Variants in RPUSD4 observed in about 807,000 individuals in gnomAD.
RPUSD4 encodes RNA pseudouridine synthase D4.
Under a neutral mutation model 35.4 loss-of-function variants are expected in RPUSD4, and 37 were observed. The ratio of observed to expected loss-of-function variants is 1.04; its 90% CI spans 0.80 to 1.37. The LOEUF (loss-of-function observed/expected upper bound fraction) is 1.37. Ranked by LOEUF, RPUSD4 falls within the 40% of genes most tolerant of loss-of-function variation. The pLI is 0.00. For missense variants in RPUSD4, 507 were observed against 484.9 expected (o/e 1.05, Z -0.43); for synonymous variants, 210 against 192.7 (o/e 1.09, Z -0.74).
intron 3 of RPUSD4, chr11:126,206,458 G>A (rs1464961472): frequency 6.6e-6 from 1 of 152,280 alleles, no homozygotes; most frequent in African/African-American, 2.4e-5. Context: ...TTGGGAGGCT[G>A]AGGCATGAGA....
intron 4 of RPUSD4, 27 bp downstream of exon 4, chr11:126,205,661 C>T: frequency 5.0e-6 from 8 of 1,613,190 alleles, no homozygotes; most frequent in South Asian, 1.1e-5. Context: ...AGCAGCAACC[C>T]ATGCCTCAGG....
chr11:126,209,060 T>C (rs1014068488), intron 3 of RPUSD4: 4 of 154,558 alleles, frequency 2.6e-5, no homozygotes, highest in South Asian at 2.0e-4. Flanking sequence ...GGTGTGATCA[T>C]AGCTCACTGT....
chr11:126,206,821 A>C (rs1449105770), intron 3 of RPUSD4, among the ~76,000 whole-genome samples: 1 of 152,186 alleles, frequency 6.6e-6, no homozygotes, highest in Non-Finnish European at 1.5e-5. Flanking sequence ...ACTCCACTTC[A>C]GTTTCAGCTA....
chr11:126,210,551 C>CAA (rs369874015), intron 2 of RPUSD4, among the ~76,000 whole-genome samples: 1 of 145,464 alleles, frequency 6.9e-6, no homozygotes, highest in Non-Finnish European at 1.5e-5. Flanking sequence ...ACACACACAC[C>CAA]CCCTTTTTTC....
chr11:126,204,596 C>T (rs1211065682), intron 5 of RPUSD4, among the ~76,000 whole-genome samples: 2 of 152,196 alleles, frequency 1.3e-5, no homozygotes, highest in Non-Finnish European at 2.9e-5. Flanking sequence ...ATGAACTTGC[C>T]GTCTACCATT....
At chr11:126,210,508 C>T (rs912939883) in intron 2 of RPUSD4, among the ~76,000 whole-genome samples, 7 of 135,458 alleles carry the variant, frequency 5.2e-5, no homozygotes, top group Non-Finnish European at 1.1e-4. Context: ...GTTACATATA[C>T]TCCAACATAC....
chr11:126,208,316 G>C lies in RPUSD4; in HGVS notation c.557+1205C>G, dbSNP rs570166544. ...GGTATTTCACAGAGCAATTAAAAAG[G>C]AGACAGCTCTAAACGTATGACACAA... On this transcript the variant is annotated intron_variant, in intron 3 of 6. Coordinates refer to ENST00000298317, the MANE Select transcript of RPUSD4 (RefSeq NM_032795.3). 8.1e-4 allele frequency among the ~76,000 whole-genome samples: 123 copies of C among 152,286 alleles called. 1 individual carries two copies. Among genetic ancestry groups the C allele is most frequent in the Admixed American group, 2.5e-3 (38 of 15,302 alleles).
chr11:126,205,979 A>T (rs566478525), intron 3 of RPUSD4, 198 bp from the exon 4 acceptor site: 106 of 457,770 alleles, frequency 2.3e-4, no homozygotes, highest in African/African-American at 2.0e-3. Flanking sequence ...TTTTACTACT[A>T]AAGTCATACA....
chr11:126,205,861 G>GCACTGCACTGCA lies in RPUSD4; in HGVS notation c.558-81_558-80insTGCAGTGCAGTG. The GCACTGCACTGCA allele has an allele frequency of 3.8e-6, 4 of 1,054,794 alleles. No homozygotes were observed. The South Asian group carries it at 6.6e-5, about 18-fold the overall frequency. The allele number at this position is 1,054,794 out of a possible 1,614,324, so 65.3% of individuals were successfully genotyped here. On this transcript the variant is annotated intron_variant, in intron 3 of 6. Transcript: ENST00000298317. ...GATTTGGCCACTTAGAGGATTTCAC[G>GCACTGCACTGCA]CTGGACCTTCTGCACTAACATGTGA...
In RPUSD4 at chr11:126,203,483, G is replaced by A. The variant is rs578046464; in HGVS notation, c.1069C>T (p.Arg357Cys). Reference protein sequence around the residue: ...RFFVHSLHRLRLEMPNEDQNE... With the variant: ...RFFVHSLHRLCLEMPNEDQNE... ...TGATCCTCATTTGGCATCTCTAAAC[G>A]CAGGCGGTGCAGGGAATGCACAAAG... Residue 357 changes from arginine to cysteine, a missense_variant, in exon 7 of 7, where the codon CGT becomes TGT. By Grantham distance (180) the Arg-to-Cys change is radical (BLOSUM62 -3). Transcript: ENST00000298317. 5 of 1,614,118 alleles carry A rather than the reference G, an allele frequency of 3.1e-6. No individual in the cohort carries two copies. Among genetic ancestry groups the A allele is most frequent in the East Asian group, 2.2e-5 (1 of 44,874 alleles).
At position 126,209,418 on chromosome 11, in the gene RPUSD4, T is replaced by G. The variant is rs1490499753; in HGVS notation, c.557+103A>C. 9.6e-6 allele frequency: 9 copies of G among 940,412 alleles called. No individual in the cohort carries two copies. The East Asian group carries it at 2.2e-4, about 23-fold the overall frequency. 58.3% of individuals were successfully genotyped at this position (940,412 alleles called of 1,614,324 possible). A position where few individuals can be genotyped will look rare whatever the true frequency, so the allele number is the denominator to read the frequency against. On this transcript the variant is annotated intron_variant, in intron 3 of 6. Coordinates refer to ENST00000298317, the MANE Select transcript of RPUSD4 (RefSeq NM_032795.3). ...TTTTTTACAATCTCGCAGGTCATAG[T>G]GCAGTGCCTTCTATTAATGGGAGTT...
In RPUSD4 at chr11:126,202,374, T is replaced by C. The variant is rs1156693337; in HGVS notation, c.*1044A>G. ...ATGGTGTTCAGTATAGCCCTCTCCT[T>C]CCTGAGACCTAAGAACAGAAGATAC... On this transcript the variant is annotated 3_prime_UTR_variant, in exon 7 of 7. Coordinates refer to ENST00000298317, the MANE Select transcript of RPUSD4 (RefSeq NM_032795.3). 6.6e-6 allele frequency: 1 copy of C among 152,226 alleles called. No individual in the cohort carries two copies. Among genetic ancestry groups the C allele is most frequent in the African/African-American group, 2.4e-5 (1 of 41,452 alleles). The allele number at this position is 152,226 out of a possible 1,614,324, so 9.4% of individuals were successfully genotyped here.
intron 5 of RPUSD4, among the ~76,000 whole-genome samples, chr11:126,204,781 C>A (rs1428393889): frequency 6.6e-6 from 1 of 152,224 alleles, no homozygotes; most frequent in African/African-American, 2.4e-5. Flanking sequence ...CCATCCATCT[C>A]TAGAACTTTC....
rs1386053090 is a variant in RPUSD4, at chr11:126,209,614, TC to T, written c.463del (p.Glu155LysfsTer5). On this transcript the variant is annotated frameshift_variant, in exon 3 of 7. Coordinates refer to ENST00000298317, the MANE Select transcript of RPUSD4 (RefSeq NM_032795.3). LOFTEE classifies it high-confidence loss of function. ...PLHLCHRLDK[E>X]TTGVMVLAWD... The stretch of plus-strand genomic sequence containing the variant: ...AGCCAACACCATTACACCTGTGGTT[TC>T]CTTGTCCAGCCGGTGGCACAGATGC... 6.2e-7 allele frequency: 1 copy of T among 1,614,224 alleles called. No homozygotes were observed. The highest frequency in any genetic ancestry group is 8.5e-7 in the Non-Finnish European group (1 of 1,180,040).
Position 126,203,140 on chromosome 11 carries a change from T to G in RPUSD4, c.*278A>C. The G allele has an allele frequency of 2.6e-6, 1 of 390,542 alleles. No individual in the cohort carries two copies. Among genetic ancestry groups the G allele is most frequent in the Non-Finnish European group, 4.7e-6 (1 of 212,462 alleles). 24.2% of individuals were successfully genotyped at this position (390,542 alleles called of 1,614,324 possible). A position where few individuals can be genotyped will look rare whatever the true frequency, so the allele number is the denominator to read the frequency against. ...CTGCCTGGCCCTGGGCTCTGTTCCA[T>G]ATTGGCAATGAGAGCCCACGGCAGG... On this transcript the variant is annotated 3_prime_UTR_variant, in exon 7 of 7. Transcript: ENST00000298317.
chr11:126,207,913 A>G (rs543651455), intron 3 of RPUSD4, among the ~76,000 whole-genome samples: 67 of 152,356 alleles, frequency 4.4e-4, no homozygotes, highest in African/African-American at 1.6e-3. Context: ...AAAATAGGCA[A>G]AAGAAATAAT....
At position 126,211,519 on chromosome 11, in the gene RPUSD4, G is replaced by A; in HGVS notation, c.120C>T (p.Ala40=). 1 of 1,614,232 alleles carries A rather than the reference G, an allele frequency of 6.2e-7. No homozygotes were observed. The highest frequency in any genetic ancestry group is 8.5e-7 in the Non-Finnish European group (1 of 1,180,046). ...PFCAAAAAST[A]INAQRLAEKL... ...TCTCCGCTAATCTCTGGGCATTTAT[G>A]GCCGTAGAGGCAGCGGCAGCGGCAC... Residue 40 remains alanine (A), a synonymous_variant, in exon 1 of 7, where the codon GCC becomes GCT. Coordinates refer to ENST00000298317, the MANE Select transcript of RPUSD4 (RefSeq NM_032795.3).
intron 3 of RPUSD4, chr11:126,208,483 G>A (rs1949798385): frequency 6.6e-6 from 1 of 152,280 alleles, no homozygotes; most frequent in Admixed American, 6.5e-5. Context: ...GATTGACGCT[G>A]GGGAAGGCAA....
At chr11:126,208,414 G>A (rs1949797154) in intron 3 of RPUSD4, among the ~76,000 whole-genome samples, 1 of 152,208 alleles carries the variant, frequency 6.6e-6, no homozygotes. Flanking sequence ...CTAGCATACA[G>A]TAATATGCTT....
Sources: gnomAD v4.1 joint callset for allele counts (sites outside exome capture counted in the v4.1 genomes callset) on GRCh38, gnomAD v4.1.1 for gene constraint, MANE v1.5 for transcripts, NCBI Gene and HGNC (gene_info 2026-07-23, HGNC 2026-07-21) for gene names.